The following KCNIP2 variants were observed in gnomAD, a reference collection of about 807,000 sequenced individuals.
The protein encoded by KCNIP2 is A-type potassium channel modulatory protein KCNIP2.
Under a neutral mutation model 39.0 loss-of-function variants are expected in KCNIP2, and 19 were observed. The observed-to-expected ratio is 0.49, with a 90% CI of 0.34 to 0.71. KCNIP2 has a LOEUF of 0.71. Ranked by LOEUF, KCNIP2 falls within the 30% of genes least tolerant of loss-of-function variation. The probability of loss-of-function intolerance (pLI) is 0.01; values close to 1 mark genes in which losing one functional copy is unlikely to be tolerated. For missense variants in KCNIP2, 261 were observed against 346.0 expected, an observed-to-expected ratio of 0.75 and a Z score of 1.95; for synonymous variants, 111 against 131.2, an observed-to-expected ratio of 0.85 and a Z score of 1.05.
In KCNIP2 at chr10:101,827,110, T is replaced by C; in HGVS notation, c.*243A>G. 2.2e-6 allele frequency: 2 copies of C among 895,138 alleles called. No homozygotes were observed. Among genetic ancestry groups the C allele is most frequent in the Non-Finnish European group, 3.0e-6 (2 of 673,096 alleles). 55.4% of individuals were successfully genotyped at this position (895,138 alleles called of 1,614,324 possible). A position where few individuals can be genotyped will look rare whatever the true frequency, so the allele number is the denominator to read the frequency against. ...CAGGAGGGGCACTCTCAACACTGGG[T>C]GTCAGGCAGGAAGGGGGTGAGAGCT... is the stretch of plus-strand genomic sequence containing the variant. On this transcript the variant is annotated 3_prime_UTR_variant, in exon 10 of 10. Transcript: ENST00000356640.
At chr10:101,829,936 C>T (rs185283450) in intron 2 of KCNIP2, 39 bp from the exon 3 acceptor site, 2 of 1,541,236 alleles carry the variant, frequency 1.3e-6, no homozygotes, top group East Asian at 2.5e-5. Context: ...GCGGAAGACC[C>T]GGCCAACTGC....
chr10:101,830,733 C>T (rs1564664789), intron 2 of KCNIP2, among the ~76,000 whole-genome samples: 1 of 150,342 alleles, frequency 6.7e-6, no homozygotes, highest in Non-Finnish European at 1.5e-5. Flanking sequence ...GGGGCACGCC[C>T]CTCCCCCACA....
chr10:101,836,455 C>T (rs2066166024), intron 1 of KCNIP2, among the ~76,000 whole-genome samples: 1 of 152,028 alleles, frequency 6.6e-6, no homozygotes. Flanking sequence ...AGGCTGGTCT[C>T]GAACTCCTGG....
chr10:101,828,741 TTCCGTTCA>T lies in KCNIP2; in HGVS notation c.349-53_349-46del. 1.2e-6 allele frequency: 2 copies of T among 1,613,752 alleles called. No individual in the cohort carries two copies. The highest frequency in any genetic ancestry group is 1.7e-6 in the Non-Finnish European group (2 of 1,179,754). ...GGCTGAGGGCAGAGACAAAATCCCC[TTCCGTTCA>T]CCGCCCCCACCCTCCATGGCCCAAG... On this transcript the variant is annotated intron_variant, in intron 4 of 9. Transcript: ENST00000356640. This position sits in a 1 kb window ranked among gnomAD's most constrained non-coding sequence, Gnocchi z 6.6.
At chr10:101,840,543 C>G (rs1229762781) in intron 1 of KCNIP2, among the ~76,000 whole-genome samples, 2 of 26,338 alleles carry the variant, frequency 7.6e-5, no homozygotes, top group Non-Finnish European at 1.5e-4. Flanking sequence ...AGAAGAGCCC[C>G]CCCCGCACCC....
chr10:101,835,822 A>G (rs2066137422), intron 1 of KCNIP2, among the ~76,000 whole-genome samples: 1 of 152,234 alleles, frequency 6.6e-6, no homozygotes, highest in African/African-American at 2.4e-5. Context: ...CAGGTGTTGT[A>G]ACACCGAATT....
At chr10:101,831,544 G>A (rs1044778642) in intron 1 of KCNIP2, among the ~76,000 whole-genome samples, 1 of 152,100 alleles carries the variant, frequency 6.6e-6, no homozygotes, top group African/African-American at 2.4e-5. Context: ...CACCTACAGT[G>A]ACAGGCGTGT....
intron 2 of KCNIP2, chr10:101,830,441 A>G: frequency 7.7e-7 from 1 of 1,291,386 alleles, no homozygotes; most frequent in Non-Finnish European, 1.0e-6. Flanking sequence ...AGCCACATAC[A>G]GACCCTCACG....
At position 101,828,050 on chromosome 10, in the gene KCNIP2, CCTTG is replaced by C. The variant is rs1227016757; in HGVS notation, c.598-61_598-58del. 6.4e-7 allele frequency: 1 copy of C among 1,564,808 alleles called. No individual in the cohort carries two copies. The highest frequency in any genetic ancestry group is 8.8e-7 in the Non-Finnish European group (1 of 1,135,324). ...TCAGAGCCTCCAGCCTCCCTTGATC[CCTTG>C]CTTGTGGGCATATGTGGGTCATATT... On this transcript the variant is annotated intron_variant, in intron 7 of 9. Coordinates refer to ENST00000356640, the MANE Select transcript of KCNIP2 (RefSeq NM_173191.3). This position sits in a 1 kb window ranked among gnomAD's most constrained non-coding sequence, Gnocchi z 6.6.
In KCNIP2 at chr10:101,835,152, AGGGT is replaced by A. The variant is rs60089151; in HGVS notation, c.74-3989_74-3986del. Among the ~76,000 whole-genome samples the A allele has an allele frequency of 4.5e-4, 68 of 152,162 alleles. No individual in the cohort carries two copies. The East Asian group carries it at 0.013, about 28-fold the overall frequency. ...GGTATGGATGTGTTGTATAATTTGGAGGGTGGGTCTACTGTTTTGTCATTGTATT... is the reference window on the plus strand; with the variant it reads ...GGTATGGATGTGTTGTATAATTTGGAGGGTCTACTGTTTTGTCATTGTATT... On this transcript the variant is annotated intron_variant, in intron 1 of 9. Transcript: ENST00000356640.
In KCNIP2 at chr10:101,827,720, G is replaced by A; in HGVS notation, c.734C>T (p.Thr245Ile). ...ACAAGACTCAATGAATTCCTCAATG[G>A]TCACCACACCATCCTTGTTTCTGTC... is the stretch of plus-strand genomic sequence containing the variant. The part of the protein sequence containing the change: ...KMDRNKDGVV[T>I]IEEFIESCQK... Residue 245 changes from threonine to isoleucine, a missense_variant, in exon 9 of 10, where the codon ACC becomes ATC. Thr to Ile is a moderately conservative substitution (Grantham distance 89, BLOSUM62 -1). Coordinates refer to ENST00000356640, the MANE Select transcript of KCNIP2 (RefSeq NM_173191.3). The A allele has an allele frequency of 6.2e-7, 1 of 1,613,938 alleles. No homozygotes were observed. Among genetic ancestry groups the A allele is most frequent in the Non-Finnish European group, 8.5e-7 (1 of 1,179,800 alleles).
intron 3 of KCNIP2, chr10:101,829,568 G>C (rs1389374013): frequency 6.3e-6 from 3 of 478,306 alleles, no homozygotes; most frequent in Non-Finnish European, 1.1e-5. Flanking sequence ...CCGGGCCTTC[G>C]GGGACCAACT....
At position 101,837,881 on chromosome 10, in the gene KCNIP2, C is replaced by T. The variant is rs550083970; in HGVS notation, c.73+5615G>A. ...CCAGACTATTTGAATGGAAAGGGGC[C>T]CCACAACAGCCCCTTCTTGCTCCCT... On this transcript the variant is annotated intron_variant, in intron 1 of 9. Transcript: ENST00000356640. 8.5e-5 allele frequency among the ~76,000 whole-genome samples: 13 copies of T among 152,182 alleles called. No homozygotes were observed. The South Asian group carries it at 1.5e-3, about 17-fold the overall frequency.
intron 1 of KCNIP2, among the ~76,000 whole-genome samples, chr10:101,832,336 G>GTGTA (rs889262055): frequency 7.0e-5 from 10 of 142,566 alleles, no homozygotes; most frequent in Non-Finnish European, 1.4e-4. Flanking sequence ...GTGTGTGTGT[G>GTGTA]TGTGTCTGTG....
At position 101,828,100 on chromosome 10, in the gene KCNIP2, A is replaced by G. The variant is rs750695713; in HGVS notation, c.597+51T>C. ...ATATTTCCCTCCCATCACCCTCTGC[A>G]CGCCACCCCCATCACCGCCACAGAC... On this transcript the variant is annotated intron_variant, in intron 7 of 9. Transcript: ENST00000356640. The surrounding 1 kb of genome is among the most constrained non-coding windows in gnomAD (Gnocchi z 6.6). 6.4e-7 allele frequency: 1 copy of G among 1,571,278 alleles called. No homozygotes were observed. The highest frequency in any genetic ancestry group is 8.8e-7 in the Non-Finnish European group (1 of 1,141,408).
chr10:101,829,505 A>C, intron 3 of KCNIP2: 2 of 467,616 alleles, frequency 4.3e-6, no homozygotes, highest in East Asian at 3.9e-5. Context: ...TCGTTTTAGA[A>C]AGGGAGGAGT....
intron 1 of KCNIP2, among the ~76,000 whole-genome samples, chr10:101,833,374 G>A (rs2066053898): frequency 6.6e-6 from 1 of 152,110 alleles, no homozygotes; most frequent in Non-Finnish European, 1.5e-5. Context: ...AGATCACTCT[G>A]CACTTGGATC....
In KCNIP2 at chr10:101,826,870, G is replaced by C. The variant is rs1039800152; in HGVS notation, c.*483C>G. 3 of 155,200 alleles carry C rather than the reference G, an allele frequency of 1.9e-5. No homozygotes were observed. Among genetic ancestry groups the C allele is most frequent in the African/African-American group, 7.2e-5 (3 of 41,456 alleles). The allele number at this position is 155,200 out of a possible 1,614,324, so 9.6% of individuals were successfully genotyped here. A position where few individuals can be genotyped will look rare whatever the true frequency, so the allele number is the denominator to read the frequency against. The stretch of plus-strand genomic sequence containing the variant: ...GACCTATCCATTGACTCAGGCCCAA[G>C]ATTTCTCCCTATACATTCTTGTCCC... On this transcript the variant is annotated 3_prime_UTR_variant, in exon 10 of 10. Coordinates refer to ENST00000356640, the MANE Select transcript of KCNIP2 (RefSeq NM_173191.3).
At position 101,826,599 on chromosome 10, in the gene KCNIP2, G is replaced by A. The variant is rs10883689; in HGVS notation, c.*754C>T. On this transcript the variant is annotated 3_prime_UTR_variant, in exon 10 of 10. Transcript: ENST00000356640. ...CAACCACCACCAACACATGCAGGAA[G>A]GAAGGAGAGGAAGCAATGCCAGAGA... 0.21 allele frequency: 32,429 copies of A among 152,250 alleles called. 4,129 individuals carry two copies. Among genetic ancestry groups the A allele is most frequent in the Non-Finnish European group, 0.29 (19,601 of 67,980 alleles). 9.4% of individuals were successfully genotyped at this position (152,250 alleles called of 1,614,324 possible). A position where few individuals can be genotyped will look rare whatever the true frequency, so the allele number is the denominator to read the frequency against.
Sources: allele counts gnomAD v4.1 joint callset (sites outside exome capture counted in the v4.1 genomes callset), GRCh38; gene constraint gnomAD v4.1.1; non-coding constraint Gnocchi (gnomAD v3.1); transcripts MANE v1.5; gene names NCBI Gene and HGNC (gene_info 2026-07-23, HGNC 2026-07-21).